PCDH15: variants seen among roughly 807,000 people sequenced by gnomAD.
PCDH15 encodes protocadherin related 15, also known as protocadherin-15.
In PCDH15, 129 loss-of-function variants were observed where a neutral mutation model predicts 178.5. That is an observed-to-expected ratio of 0.72 (90% CI 0.63 to 0.84). PCDH15 has a LOEUF of 0.84. PCDH15 is among the 40% of genes least tolerant of loss of function. PCDH15 has a pLI of 0.00. For synonymous variants in PCDH15, 800 were observed against 732.0 expected (o/e 1.09, Z -1.50); for missense variants, 2,230 against 2,099.9 (o/e 1.06, Z -1.21).
chr10:55,023,867 C>T (rs1223534995), intron 2 of PCDH15, among the ~76,000 whole-genome samples: 2 of 106,954 alleles, frequency 1.9e-5, no homozygotes, highest in Non-Finnish European at 4.1e-5. Context: ...ATATTCCTTC[C>T]TATATATATA....
intron 1 of PCDH15, among the ~76,000 whole-genome samples, chr10:54,747,250 A>G (rs531461518): frequency 1.3e-5 from 2 of 152,348 alleles, no homozygotes; most frequent in South Asian, 4.1e-4. Flanking sequence ...CCAAGTTCCC[A>G]GACACCAGCC....
intron 2 of PCDH15, among the ~76,000 whole-genome samples, chr10:55,360,409 A>G (rs1175129050): frequency 8.6e-5 from 13 of 151,970 alleles, no homozygotes; most frequent in Non-Finnish European, 1.9e-4. Flanking sequence ...AATTAATTGT[A>G]CTTAACATAA....
chr10:54,726,116 T>G (rs1347373644), intron 1 of PCDH15, among the ~76,000 whole-genome samples: 1 of 151,048 alleles, frequency 6.6e-6, no homozygotes, highest in African/African-American at 2.4e-5. Flanking sequence ...CCTCCCCTTT[T>G]TGTGGAATTG....
rs1026965588 is a variant in PCDH15, at chr10:55,622,147, A to C, written c.-156+5478T>G. Among the ~76,000 whole-genome samples the C allele has an allele frequency of 4.4e-5, 6 of 135,910 alleles. No individual in the cohort carries two copies. In the Admixed American group the frequency reaches 4.9e-4, roughly 11 times the overall value. The allele number at this position is 135,910 out of a possible 152,430, so 89.2% of individuals were successfully genotyped here. Reference sequence around the variant, plus strand: ...TATATATATTATATATATTATATATATCTATAAATATATATATTATATATA... The same window carrying C: ...TATATATATTATATATATTATATATCTCTATAAATATATATATTATATATA... On this transcript the variant is annotated intron_variant, in intron 2 of 5. Transcript: ENST00000613346.
chr10:55,449,057 A>G (rs1017063892), intron 2 of PCDH15, among the ~76,000 whole-genome samples: 1 of 152,088 alleles, frequency 6.6e-6, no homozygotes, highest in Admixed American at 6.6e-5. Flanking sequence ...AATCAAATTT[A>G]TAGATAGATC....
At chr10:53,871,451 C>CGTGTGTGTGTGTGT (rs71461208) in intron 26 of PCDH15, among the ~76,000 whole-genome samples, 205 of 146,904 alleles carry the variant, frequency 1.4e-3, no homozygotes, top group Middle Eastern at 3.5e-3. Flanking sequence ...TATATTCATA[C>CGTGTGTGTGTGTGT]GTGTGTGTGT....
intron 3 of PCDH15, among the ~76,000 whole-genome samples, chr10:54,394,023 A>G (rs1950877082): frequency 6.6e-6 from 1 of 152,156 alleles, no homozygotes; most frequent in South Asian, 2.1e-4. Context: ...GACGAAGAAA[A>G]GAAGAAAGAA....
At chr10:54,196,571 C>T (rs915617666) in intron 10 of PCDH15, among the ~76,000 whole-genome samples, 1 of 152,104 alleles carries the variant, frequency 6.6e-6, no homozygotes, top group Non-Finnish European at 1.5e-5. Flanking sequence ...AAAAAAGTAA[C>T]ACAAATAAAG....
chr10:55,245,589 A>G (rs1437163189), intron 1 of PCDH15, among the ~76,000 whole-genome samples: 1 of 152,164 alleles, frequency 6.6e-6, no homozygotes, highest in Non-Finnish European at 1.5e-5. Context: ...AAAATGGATT[A>G]TGTTCTTAAA....
chr10:54,731,545 G>GATAGATATATATATATATATATATAT (rs1555172505), intron 1 of PCDH15, among the ~76,000 whole-genome samples: 2 of 80,288 alleles, frequency 2.5e-5, no homozygotes, highest in African/African-American at 4.7e-5. Flanking sequence ...ATGTGAGATA[G>GATAGATATATATATATATATATATAT]ATATATATAT....
intron 2 of PCDH15, among the ~76,000 whole-genome samples, chr10:54,662,713 AAGAC>A (rs1415983465): frequency 6.6e-6 from 1 of 151,984 alleles, no homozygotes; most frequent in Admixed American, 6.6e-5. Context: ...AATGTGAAAA[AAGAC>A]AGACAGTGAA....
chr10:53,875,803 A>C (rs2080187788), intron 26 of PCDH15, among the ~76,000 whole-genome samples: 1 of 152,136 alleles, frequency 6.6e-6, no homozygotes, highest in South Asian at 2.1e-4. Flanking sequence ...TCACCAAATA[A>C]TTGCCTCTAT....
At chr10:53,984,122 C>CTTT (rs57184119) in intron 21 of PCDH15, among the ~76,000 whole-genome samples, 46 of 112,648 alleles carry the variant, frequency 4.1e-4, no homozygotes, top group African/African-American at 1.3e-3. Context: ...AAGTGCTTTT[C>CTTT]TTTTTTTTTT....
chr10:54,883,343 C>A (rs1197367402), intron 3 of PCDH15, among the ~76,000 whole-genome samples: 1 of 151,998 alleles, frequency 6.6e-6, no homozygotes, highest in Non-Finnish European at 1.5e-5. Context: ...CATTGTATGG[C>A]TTTCCAAAGA....
At chr10:54,397,404 T>C (rs2050998) in intron 3 of PCDH15, among the ~76,000 whole-genome samples, 109,422 of 151,882 alleles carry the variant, frequency 0.72, 41,984 homozygotes, top group East Asian at 0.96. Context: ...CTTCACTTCC[T>C]CCAATGCTTT....
In PCDH15 at chr10:54,413,534, A is replaced by G. The variant is rs143445741; in HGVS notation, c.158-34592T>C. Among the ~76,000 whole-genome samples the G allele has an allele frequency of 4.5e-3, 680 of 152,306 alleles. 6 individuals are homozygous for G. Among genetic ancestry groups the G allele is most frequent in the Non-Finnish European group, 7.5e-3 (509 of 68,026 alleles). ...AACAAATGAAACAAGTATAAATATG[A>G]TAAAAAGTAAGAGATCTATTGATCA... On this transcript the variant is annotated intron_variant, in intron 3 of 37. Coordinates refer to ENST00000644397, the MANE Select transcript of PCDH15 (RefSeq NM_001384140.1).
At chr10:54,930,349 A>T (rs1837741341) in intron 2 of PCDH15, among the ~76,000 whole-genome samples, 1 of 152,116 alleles carries the variant, frequency 6.6e-6, no homozygotes, top group African/African-American at 2.4e-5. Context: ...GTAGGACCGG[A>T]AGTCCCACTC....
chr10:54,173,701 A>G (rs924624433), intron 13 of PCDH15, among the ~76,000 whole-genome samples: 18 of 152,208 alleles, frequency 1.2e-4, no homozygotes, highest in African/African-American at 2.4e-5. Context: ...GGTGTTAGGC[A>G]TACAGTAGTG....
chr10:55,213,865 GCTTT>G (rs2132173749), intron 1 of PCDH15, among the ~76,000 whole-genome samples: 1 of 151,364 alleles, frequency 6.6e-6, no homozygotes, highest in African/African-American at 2.4e-5. Flanking sequence ...AATTTGATTA[GCTTT>G]CTATTTAATT....
Sources: allele counts gnomAD v4.1 joint callset (sites outside exome capture counted in the v4.1 genomes callset), GRCh38; gene constraint gnomAD v4.1.1; transcripts MANE v1.5; gene names NCBI Gene and HGNC (gene_info 2026-07-23, HGNC 2026-07-21).